CHD9: variants seen among roughly 807,000 people sequenced by gnomAD.
CHD9 encodes chromodomain helicase DNA binding protein 9, also known as ATP-dependent chromatin remodeler CHD9.
Under a neutral mutation model 316.1 loss-of-function variants are expected in CHD9, and 77 were observed. That is an observed-to-expected ratio of 0.24 (90% CI 0.20 to 0.29). CHD9 has a LOEUF of 0.29. Among genes scored for constraint, CHD9 ranks in the 10% least tolerant of loss-of-function variants. The pLI is 1.00. For synonymous variants in CHD9, 1,129 were observed against 1,158.3 expected, an observed-to-expected ratio of 0.97 and a Z score of 0.51; for missense variants, 2,763 against 3,438.1, an observed-to-expected ratio of 0.80 and a Z score of 4.91.
Position 53,064,947 on chromosome 16 carries a change from C to T in CHD9, c.-165+9870C>T, listed in dbSNP as rs377027011. On this transcript the variant is annotated intron_variant, in intron 1 of 38. Transcript: ENST00000447540. ...TCGCACCATTGCACTCCAGCCTGGG[C>T]GACAGAGCAAGACTCTGTCAAGAAA... Among the ~76,000 whole-genome samples, 33 of 150,512 alleles carry T rather than the reference C, an allele frequency of 2.2e-4. No individual in the cohort carries two copies. In the South Asian group the frequency reaches 5.9e-3, roughly 27 times the overall value.
chr16:53,293,475 G>T (rs147045524), intron 29 of CHD9, among the ~76,000 whole-genome samples: 17 of 152,076 alleles, frequency 1.1e-4, no homozygotes, highest in African/African-American at 4.1e-4. Flanking sequence ...AATTAGCCAG[G>T]TGTGGTGGCG....
chr16:53,263,181 T>C (rs1182686192), intron 20 of CHD9, 84 bp downstream of exon 20: 2 of 998,684 alleles, frequency 2.0e-6, no homozygotes, highest in African/African-American at 1.6e-5. Context: ...TGTTCAATTA[T>C]GCAGTTACTA....
In CHD9 at chr16:53,273,752, G is replaced by C. The variant is rs2052519743; in HGVS notation, c.4844G>C (p.Gly1615Ala). 7 of 1,612,944 alleles carry C rather than the reference G, an allele frequency of 4.3e-6. No homozygotes were observed. Among genetic ancestry groups the C allele is most frequent in the Non-Finnish European group, 5.9e-6 (7 of 1,179,504 alleles). ...CCCGAGCAGCTCCTTCAAGATGAAG[G>C]CTACAAAAAACATATAAAACACCAC... ...YNPEQLLQDE[G>A]YKKHIKHHCN... The change falls in exon 23 of 39, where the codon GGC (glycine) becomes GCC (alanine). Residue 1615 changes from glycine (G) to alanine (A), a missense_variant. By Grantham distance (60) the Gly-to-Ala change is moderately conservative. Transcript: ENST00000447540.
chr16:53,238,736 A>G (rs2048834818), intron 12 of CHD9, 150 bp downstream of exon 12: 1 of 833,588 alleles, frequency 1.2e-6, no homozygotes, highest in Admixed American at 2.6e-5. Flanking sequence ...TTTATTTTAC[A>G]GTAAATTTGA....
chr16:53,286,177 C>A, intron 25 of CHD9, 49 bp from the exon 26 acceptor site: 2 of 1,070,654 alleles, frequency 1.9e-6, no homozygotes, highest in Admixed American at 1.8e-5. Flanking sequence ...TATGTATACA[C>A]CTTTCTTCTT....
At chr16:53,101,082 A>T (rs776751300) in intron 1 of CHD9, among the ~76,000 whole-genome samples, 2 of 152,156 alleles carry the variant, frequency 1.3e-5, no homozygotes, top group Non-Finnish European at 2.9e-5. Flanking sequence ...AGAAAGCTGT[A>T]GCCTCTGGCT....
intron 2 of CHD9, among the ~76,000 whole-genome samples, chr16:53,200,098 G>T (rs987525478): frequency 6.6e-6 from 1 of 151,964 alleles, no homozygotes; most frequent in Non-Finnish European, 1.5e-5. Context: ...ATGAGGCTGG[G>T]CACGGTGGCT....
In CHD9 at chr16:53,102,280, C is replaced by T. The variant is rs183876094; in HGVS notation, c.-165+47203C>T. Among the ~76,000 whole-genome samples the T allele has an allele frequency of 7.9e-5, 12 of 152,222 alleles. No homozygotes were observed. In the East Asian group the frequency reaches 2.1e-3, roughly 27 times the overall value. ...TGTTTGATAGGTGATTTCAGAGCCC[C>T]TTGTTTTAGCTTCATGAGAGTAGGG... is the stretch of plus-strand genomic sequence containing the variant. On this transcript the variant is annotated intron_variant, in intron 1 of 38. Transcript: ENST00000447540.
At chr16:53,267,088 A>G (rs1176089885) in intron 20 of CHD9, among the ~76,000 whole-genome samples, 2 of 152,210 alleles carry the variant, frequency 1.3e-5, no homozygotes, top group Admixed American at 6.5e-5. Context: ...TATGACTATA[A>G]TGTCATAAAA....
chr16:53,304,744 G>T (rs1449561256), intron 31 of CHD9, 119 bp downstream of exon 31: 4 of 868,180 alleles, frequency 4.6e-6, no homozygotes, highest in Non-Finnish European at 6.7e-6. Context: ...GCCCAGGCTG[G>T]AGTGCAATGG....
intron 38 of CHD9, among the ~76,000 whole-genome samples, chr16:53,323,793 A>G (rs921096863): frequency 6.6e-6 from 1 of 152,218 alleles, no homozygotes; most frequent in African/African-American, 2.4e-5. Flanking sequence ...GGAAGGCTAA[A>G]GACCTCTTTA....
At chr16:53,182,051 C>A (rs1473594164) in intron 2 of CHD9, among the ~76,000 whole-genome samples, 5 of 152,076 alleles carry the variant, frequency 3.3e-5, no homozygotes, top group African/African-American at 1.2e-4. Context: ...TGCACTCCAG[C>A]CTGGGCAACA....
chr16:53,075,908 C>T (rs1192659861), intron 1 of CHD9, among the ~76,000 whole-genome samples: 2 of 152,190 alleles, frequency 1.3e-5, no homozygotes, highest in African/African-American at 4.8e-5. Flanking sequence ...CATTTCTCCA[C>T]GTCCTCACCA....
At chr16:53,239,596 T>C (rs1282308312) in intron 12 of CHD9, among the ~76,000 whole-genome samples, 2 of 152,164 alleles carry the variant, frequency 1.3e-5, no homozygotes, top group African/African-American at 2.4e-5. Flanking sequence ...CACTTTAGTA[T>C]TTTTTCTTTC....
chr16:53,191,595 A>G (rs1470179107), intron 2 of CHD9, among the ~76,000 whole-genome samples: 1 of 152,138 alleles, frequency 6.6e-6, no homozygotes, highest in Non-Finnish European at 1.5e-5. Flanking sequence ...CATGTTGTCT[A>G]AGGCAGTAGT....
chr16:53,162,805 G>T (rs1229544944), intron 2 of CHD9, among the ~76,000 whole-genome samples: 2 of 149,842 alleles, frequency 1.3e-5, no homozygotes, highest in Middle Eastern at 3.2e-3. Context: ...TTTTTGGTGG[G>T]GGACAGGGTC....
chr16:53,184,207 C>A (rs2043789004), intron 2 of CHD9, among the ~76,000 whole-genome samples: 1 of 151,952 alleles, frequency 6.6e-6, no homozygotes, highest in Non-Finnish European at 1.5e-5. Flanking sequence ...TTTTTGAGTG[C>A]CTATTATGTT....
chr16:53,239,198 A>T (rs1201197546), intron 12 of CHD9, among the ~76,000 whole-genome samples: 1 of 152,036 alleles, frequency 6.6e-6, no homozygotes, highest in Non-Finnish European at 1.5e-5. Flanking sequence ...TTGACCACTT[A>T]CTCTTTAGGA....
At chr16:53,078,924 A>G (rs1567312232) in intron 1 of CHD9, among the ~76,000 whole-genome samples, 1 of 152,164 alleles carries the variant, frequency 6.6e-6, no homozygotes, top group Non-Finnish European at 1.5e-5. Flanking sequence ...GCATCACCAG[A>G]GTTATCTGCT....
Sources: allele counts gnomAD v4.1 joint callset (sites outside exome capture counted in the v4.1 genomes callset), GRCh38; gene constraint gnomAD v4.1.1; transcripts MANE v1.5; gene names NCBI Gene and HGNC (gene_info 2026-07-23, HGNC 2026-07-21).